The following RANBP2 variants were observed in gnomAD, a reference collection of about 807,000 sequenced individuals.
RANBP2 encodes the protein RAN binding protein 2, also known as E3 SUMO-protein ligase RanBP2.
In RANBP2, 57 loss-of-function variants were observed where a neutral mutation model predicts 303.6. The ratio of observed to expected loss-of-function variants is 0.19; its 90% CI spans 0.15 to 0.23. RANBP2 has a LOEUF of 0.23. Among genes scored for constraint, RANBP2 ranks in the 10% least tolerant of loss-of-function variants. The probability of loss-of-function intolerance (pLI) is 1.00; values close to 1 mark genes in which losing one functional copy is unlikely to be tolerated. For synonymous variants in RANBP2, 1,167 were observed against 1,301.5 expected, an observed-to-expected ratio of 0.90 and a Z score of 2.23; for missense variants, 3,138 against 3,780.8, an observed-to-expected ratio of 0.83 and a Z score of 4.46.
At chr2:109,063,607 G>T in the RANBP2 span, among the ~76,000 whole-genome samples, 1 of 152,170 alleles carries the variant, frequency 6.6e-6, no homozygotes, top group African/African-American at 2.4e-5. Context: ...GGAACAAACA[G>T]CTCGAACTTC....
chr2:109,044,335 A>G, the RANBP2 span, among the ~76,000 whole-genome samples: 1 of 152,114 alleles, frequency 6.6e-6, no homozygotes, highest in East Asian at 1.9e-4. Context: ...CCTGGCCAAC[A>G]CGGTGAAACC....
At chr2:109,686,560 G>A in the RANBP2 span, among the ~76,000 whole-genome samples, 62 of 152,216 alleles carry the variant, frequency 4.1e-4, no homozygotes, top group Admixed American at 1.4e-3. Flanking sequence ...TGATTTGCCC[G>A]CCTCGGCCTC....
chr2:109,155,155 G>T, the RANBP2 span, among the ~76,000 whole-genome samples: 2 of 152,202 alleles, frequency 1.3e-5, no homozygotes, highest in African/African-American at 4.8e-5. Context: ...ATGTTCGGTG[G>T]TGTTCGGCAT....
chr2:109,176,680 T>G, the RANBP2 span, among the ~76,000 whole-genome samples: 1 of 152,036 alleles, frequency 6.6e-6, no homozygotes, highest in African/African-American at 2.4e-5. Flanking sequence ...CAGATTTCAG[T>G]GAGCTATGAT....
chr2:109,603,385 C>T, the RANBP2 span, among the ~76,000 whole-genome samples: 1 of 152,064 alleles, frequency 6.6e-6, no homozygotes, highest in African/African-American at 2.4e-5. Flanking sequence ...CAGGCACACA[C>T]CGCCACGCCT....
chr2:109,303,630 G>A, the RANBP2 span, among the ~76,000 whole-genome samples: 23 of 152,354 alleles, frequency 1.5e-4, no homozygotes, highest in East Asian at 4.4e-3. Flanking sequence ...AGTCAGGGAG[G>A]CAACAGAGCC....
chr2:109,041,087 T>C, the RANBP2 span, among the ~76,000 whole-genome samples: 1 of 152,130 alleles, frequency 6.6e-6, no homozygotes. Context: ...AAAAAAGATA[T>C]ACTTTTAATC....
At chr2:108,962,505 C>G in the RANBP2 span, among the ~76,000 whole-genome samples, 6 of 151,926 alleles carry the variant, frequency 3.9e-5, no homozygotes, top group African/African-American at 1.4e-4. Flanking sequence ...AACCCTGTCT[C>G]TACTAAAAAT....
At chr2:109,010,847 A>G in the RANBP2 span, among the ~76,000 whole-genome samples, 1 of 152,222 alleles carries the variant, frequency 6.6e-6, no homozygotes, top group South Asian at 2.1e-4. Flanking sequence ...CAAGGAATCT[A>G]TGGAGGAGGC....
the RANBP2 span, among the ~76,000 whole-genome samples, chr2:109,115,785 T>C: frequency 7.2e-5 from 11 of 152,354 alleles, no homozygotes; most frequent in East Asian, 2.1e-3. Context: ...TTCCTTTCCA[T>C]GTTTAGTGCT....
chr2:109,657,384 G>C, the RANBP2 span, among the ~76,000 whole-genome samples: 14 of 152,238 alleles, frequency 9.2e-5, no homozygotes, highest in South Asian at 2.9e-3. Context: ...GGAGGTTGAG[G>C]CTGCAGTGAA....
the RANBP2 span, chr2:108,856,702 G>A: frequency 1.7e-6 from 2 of 1,188,030 alleles, no homozygotes; most frequent in South Asian, 2.8e-5. Context: ...TTTTGAGTTT[G>A]TTAAAGTAAC....
At chr2:108,756,593 G>A (rs1262849715) in intron 17 of RANBP2, among the ~76,000 whole-genome samples, 1 of 152,156 alleles carries the variant, frequency 6.6e-6, no homozygotes, top group African/African-American at 2.4e-5. Flanking sequence ...TGTAGTCATG[G>A]CCTATGACAA....
chr2:109,185,465 A>G, the RANBP2 span, among the ~76,000 whole-genome samples: 1 of 152,250 alleles, frequency 6.6e-6, no homozygotes, highest in Non-Finnish European at 1.5e-5. Context: ...AACAAAATAA[A>G]CTCAGGACAT....
chr2:109,333,559 T>G, the RANBP2 span, among the ~76,000 whole-genome samples: 1 of 152,210 alleles, frequency 6.6e-6, no homozygotes, highest in African/African-American at 2.4e-5. Flanking sequence ...CACCCACTAA[T>G]TTACATGGAA....
At chr2:109,690,263 G>A in the RANBP2 span, among the ~76,000 whole-genome samples, 7,452 of 152,264 alleles carry the variant, frequency 0.049, 551 homozygotes, top group African/African-American at 0.16. Context: ...ACATATGTAA[G>A]ATGAACGTTG....
chr2:109,420,319 A>T, the RANBP2 span, among the ~76,000 whole-genome samples: 1 of 152,312 alleles, frequency 6.6e-6, no homozygotes, highest in South Asian at 2.1e-4. Context: ...GAAGTCTATG[A>T]ACTTGGCAAA....
the RANBP2 span, among the ~76,000 whole-genome samples, chr2:109,403,200 G>A: frequency 6.6e-6 from 1 of 152,212 alleles, no homozygotes; most frequent in South Asian, 2.1e-4. Context: ...ATGAAGCCTG[G>A]GAGCACAGCC....
At chr2:109,715,702 A>C in the RANBP2 span, among the ~76,000 whole-genome samples, 1 of 152,090 alleles carries the variant, frequency 6.6e-6, no homozygotes, top group African/African-American at 2.4e-5. Flanking sequence ...CTCAACCTTC[A>C]GCTCTTCCTC....
Sources: allele counts gnomAD v4.1 joint callset (sites outside exome capture counted in the v4.1 genomes callset), GRCh38; gene constraint gnomAD v4.1.1; transcripts MANE v1.5; gene names NCBI Gene and HGNC (gene_info 2026-07-23, HGNC 2026-07-21).